LRRIQ3: variants seen among roughly 807,000 people sequenced by gnomAD.
LRRIQ3 encodes the protein leucine-rich repeat and IQ domain-containing protein 3.
Under a neutral mutation model 59.3 loss-of-function variants are expected in LRRIQ3, and 75 were observed. The observed-to-expected ratio is 1.26, with a 90% CI of 1.05 to 1.53. The LOEUF (loss-of-function observed/expected upper bound fraction) is 1.53. Ranked by LOEUF, LRRIQ3 falls within the 40% of genes most tolerant of loss-of-function variation. The pLI is 0.00. For synonymous variants in LRRIQ3, 250 were observed against 231.3 expected, an observed-to-expected ratio of 1.08 and a Z score of -0.73; for missense variants, 831 against 710.0, an observed-to-expected ratio of 1.17 and a Z score of -1.94.
At chr1:74,123,014 A>G (rs1240954867) in intron 4 of LRRIQ3, among the ~76,000 whole-genome samples, 1 of 152,126 alleles carries the variant, frequency 6.6e-6, no homozygotes, top group African/African-American at 2.4e-5. Context: ...GGCCTATTTC[A>G]TTAGTCTTTT....
intron 5 of LRRIQ3, among the ~76,000 whole-genome samples, chr1:74,099,888 G>T (rs1348239503): frequency 6.6e-6 from 1 of 152,024 alleles, no homozygotes; most frequent in Non-Finnish European, 1.5e-5. Context: ...AATAAATTAG[G>T]TATTAATGGG....
intron 5 of LRRIQ3, among the ~76,000 whole-genome samples, chr1:74,091,897 A>T (rs1646398719): frequency 6.6e-6 from 1 of 152,002 alleles, no homozygotes; most frequent in Non-Finnish European, 1.5e-5. Context: ...GTTCTTTAAT[A>T]TTCGTTTACC....
chr1:74,112,784 C>A (rs766644384), intron 4 of LRRIQ3, among the ~76,000 whole-genome samples: 16 of 152,130 alleles, frequency 1.1e-4, no homozygotes, highest in Non-Finnish European at 2.4e-4. Flanking sequence ...ATAGACTTCA[C>A]TAAAATAGTC....
Position 74,109,417 on chromosome 1 carries a change from C to T in LRRIQ3, c.844G>A (p.Gly282Arg). 6.5e-7 allele frequency: 1 copy of T among 1,545,650 alleles called. No individual in the cohort carries two copies. The highest frequency in any genetic ancestry group is 8.8e-7 in the Non-Finnish European group (1 of 1,141,966). Residue 282 changes from glycine (G) to arginine (R), a missense_variant, in exon 5 of 8, where the codon GGA becomes AGA. By Grantham distance (125) the Gly-to-Arg change is moderately radical (BLOSUM62 -2). Coordinates refer to ENST00000354431, the MANE Select transcript of LRRIQ3 (RefSeq NM_001105659.2). ...LFFKPETNIK[G>R]KLAYWKHNIY... is the part of the protein sequence containing the mutation. Reference sequence around the variant, plus strand: ...ACATGTTTCCAATATGCAAGCTTTCCTTTTATATTAGTTTCAGGTTTGAAA... The same window carrying T: ...ACATGTTTCCAATATGCAAGCTTTCTTTTTATATTAGTTTCAGGTTTGAAA...
intron 1 of LRRIQ3, among the ~76,000 whole-genome samples, chr1:74,194,065 T>G (rs1014037625): frequency 6.6e-6 from 1 of 152,118 alleles, no homozygotes; most frequent in Non-Finnish European, 1.5e-5. Flanking sequence ...AACGACTGTT[T>G]TAATAAAGAA....
At chr1:74,191,741 A>G (rs1442803908) in intron 1 of LRRIQ3, among the ~76,000 whole-genome samples, 1 of 152,108 alleles carries the variant, frequency 6.6e-6, no homozygotes, top group Non-Finnish European at 1.5e-5. Context: ...ATAAAAATAA[A>G]ATGTAAAATT....
rs191359756 is a variant in LRRIQ3, at chr1:74,169,335, C to T, written c.573+13203G>A. 5.1e-3 allele frequency among the ~76,000 whole-genome samples: 770 copies of T among 152,190 alleles called. 2 individuals carry two copies. The highest frequency in any genetic ancestry group is 7.7e-3 in the Non-Finnish European group (524 of 67,996). ...ATTCATCTCTCCGTGAACGTGCAGGCTGTTTCTGTCTCTTGGCCATTATGA... is the reference window on the plus strand; with the variant it reads ...ATTCATCTCTCCGTGAACGTGCAGGTTGTTTCTGTCTCTTGGCCATTATGA... On this transcript the variant is annotated intron_variant, in intron 3 of 7. Coordinates refer to ENST00000354431, the MANE Select transcript of LRRIQ3 (RefSeq NM_001105659.2).
In LRRIQ3 at chr1:74,035,288, T is replaced by C. The variant is rs530000145; in HGVS notation, c.1718+5925A>G. Among the ~76,000 whole-genome samples, 47 of 147,564 alleles carry C rather than the reference T, an allele frequency of 3.2e-4. No homozygotes were observed. In the East Asian group the frequency reaches 6.0e-3, roughly 19 times the overall value. On this transcript the variant is annotated intron_variant, in intron 7 of 7. Coordinates refer to ENST00000354431, the MANE Select transcript of LRRIQ3 (RefSeq NM_001105659.2). ...ATCAATATAGACATAGAAGTAGACA[T>C]AGACATAGACATAGATATAATATAT...
intron 6 of LRRIQ3, among the ~76,000 whole-genome samples, chr1:74,057,881 AC>A (rs1654585325): frequency 6.6e-6 from 1 of 152,148 alleles, no homozygotes; most frequent in Non-Finnish European, 1.5e-5. Context: ...AGCTAAAAAA[AC>A]AAGCAACCCA....
chr1:74,185,179 G>A (rs1650278215), intron 1 of LRRIQ3, among the ~76,000 whole-genome samples: 1 of 152,138 alleles, frequency 6.6e-6, no homozygotes, highest in African/African-American at 2.4e-5. Context: ...CAAGGAGTTT[G>A]TTTGCTGAAT....
chr1:74,154,353 CT>C (rs1490637071), intron 4 of LRRIQ3, among the ~76,000 whole-genome samples: 1 of 146,690 alleles, frequency 6.8e-6, no homozygotes, highest in South Asian at 2.2e-4. Context: ...GAAATAAGTA[CT>C]TTTTTTATCC....
intron 5 of LRRIQ3, among the ~76,000 whole-genome samples, chr1:74,103,164 C>T (rs774617182): frequency 1.4e-4 from 21 of 151,940 alleles, no homozygotes; most frequent in Non-Finnish European, 2.1e-4. Context: ...AGGTGGCTGA[C>T]TGACTAAATT....
intron 4 of LRRIQ3, among the ~76,000 whole-genome samples, chr1:74,141,242 A>G (rs890699977): frequency 6.6e-6 from 1 of 151,896 alleles, no homozygotes; most frequent in Admixed American, 6.6e-5. Flanking sequence ...CTTGTTGTCT[A>G]TTCTGATTTA....
At chr1:74,027,583 C>A (rs547052860) in intron 7 of LRRIQ3, among the ~76,000 whole-genome samples, 1 of 152,196 alleles carries the variant, frequency 6.6e-6, no homozygotes, top group South Asian at 2.1e-4. Context: ...TGTTCTTGGA[C>A]TTCCAACCTC....
At chr1:74,116,004 A>T (rs1646771906) in intron 4 of LRRIQ3, among the ~76,000 whole-genome samples, 1 of 152,080 alleles carries the variant, frequency 6.6e-6, no homozygotes, top group African/African-American at 2.4e-5. Context: ...ATAAATGAGG[A>T]CATTATTCAA....
At chr1:74,055,993 A>C (rs1654522417) in intron 6 of LRRIQ3, among the ~76,000 whole-genome samples, 1 of 151,704 alleles carries the variant, frequency 6.6e-6, no homozygotes, top group Admixed American at 6.6e-5. Flanking sequence ...AAATACAAAA[A>C]AATTAGCCGG....
intron 4 of LRRIQ3, among the ~76,000 whole-genome samples, chr1:74,111,528 A>C (rs1467399038): frequency 2.6e-5 from 4 of 152,052 alleles, no homozygotes; most frequent in Non-Finnish European, 4.4e-5. Flanking sequence ...TTTGAAAAGG[A>C]TCATGTTGGG....
intron 4 of LRRIQ3, among the ~76,000 whole-genome samples, chr1:74,153,607 G>A (rs966962443): frequency 3.9e-5 from 6 of 152,216 alleles, no homozygotes; most frequent in African/African-American, 1.4e-4. Context: ...CAGGCATTCT[G>A]TTACATATTA....
At chr1:74,115,095 A>G (rs1325979235) in intron 4 of LRRIQ3, among the ~76,000 whole-genome samples, 2 of 152,062 alleles carry the variant, frequency 1.3e-5, no homozygotes, top group African/African-American at 4.8e-5. Flanking sequence ...GAAGCGGTAC[A>G]AATCATTTCC....
Sources: gnomAD v4.1 joint callset for allele counts (sites outside exome capture counted in the v4.1 genomes callset) on GRCh38, gnomAD v4.1.1 for gene constraint, MANE v1.5 for transcripts, NCBI Gene and HGNC (gene_info 2026-07-23, HGNC 2026-07-21) for gene names.